The following PTPRO variants were observed in gnomAD, a reference collection of about 807,000 sequenced individuals.
The protein encoded by PTPRO is receptor-type tyrosine-protein phosphatase O.
PTPRO carries 62 observed loss-of-function variants against 145.2 expected under a neutral mutation model. The observed-to-expected ratio is 0.43, with a 90% CI of 0.35 to 0.53. PTPRO has a LOEUF of 0.53. Ranked by LOEUF, PTPRO falls within the 20% of genes least tolerant of loss-of-function variation. PTPRO has a pLI of 0.01. For synonymous variants in PTPRO, 565 were observed against 514.7 expected (o/e 1.10, Z -1.32); for missense variants, 1,345 against 1,482.7 (o/e 0.91, Z 1.53).
chr12:15,455,546 T>C (rs764862082), intron 1 of PTPRO, among the ~76,000 whole-genome samples: 51 of 152,316 alleles, frequency 3.3e-4, no homozygotes, highest in Non-Finnish European at 6.6e-4. Context: ...TTGTGGTTTT[T>C]AGTACAAGTC....
At chr12:15,581,339 T>C (rs1442103784) in intron 22 of PTPRO, among the ~76,000 whole-genome samples, 11 of 149,638 alleles carry the variant, frequency 7.4e-5, no homozygotes, top group African/African-American at 2.5e-4. Context: ...CTCGTTCTGT[T>C]GCCCAGGCTG....
At chr12:15,414,984 T>C (rs1197806493) in intron 1 of PTPRO, among the ~76,000 whole-genome samples, 2 of 152,156 alleles carry the variant, frequency 1.3e-5, no homozygotes, top group Non-Finnish European at 2.9e-5. Flanking sequence ...TATGAACCTC[T>C]TCAAGAATAA....
At chr12:15,584,802 A>G (rs1304711557) in intron 23 of PTPRO, among the ~76,000 whole-genome samples, 1 of 152,218 alleles carries the variant, frequency 6.6e-6, no homozygotes, top group Non-Finnish European at 1.5e-5. Flanking sequence ...CTTTCCAATT[A>G]TAAAAAGATA....
At chr12:15,387,517 T>C (rs1416270556) in intron 1 of PTPRO, among the ~76,000 whole-genome samples, 1 of 152,198 alleles carries the variant, frequency 6.6e-6, no homozygotes, top group Non-Finnish European at 1.5e-5. Flanking sequence ...TCCCCCTTCA[T>C]AGGTCAACCC....
intron 1 of PTPRO, among the ~76,000 whole-genome samples, chr12:15,348,091 T>C (rs760989603): frequency 6.6e-6 from 1 of 152,132 alleles, no homozygotes; most frequent in Non-Finnish European, 1.5e-5. Flanking sequence ...AAGCTGTAAA[T>C]GTGTTTTCTT....
rs1943882211 is a variant in PTPRO, at chr12:15,565,721, CG to C, written c.2747+94del. 3.1e-6 allele frequency: 3 copies of C among 982,918 alleles called. No individual in the cohort carries two copies. The South Asian group carries it at 4.1e-5, about 13-fold the overall frequency. 60.9% of individuals were successfully genotyped at this position (982,918 alleles called of 1,614,324 possible). A position where few individuals can be genotyped will look rare whatever the true frequency, so the allele number is the denominator to read the frequency against. Reference sequence around the variant, plus strand: ...ATTGCTTGTCTTCAAAGAGAAGGGACGCTTAAGAAAGAGGCAAATGCATATT... The same window carrying C: ...ATTGCTTGTCTTCAAAGAGAAGGGACCTTAAGAAAGAGGCAAATGCATATT... On this transcript the variant is annotated intron_variant, in intron 18 of 26. Transcript: ENST00000281171.
intron 2 of PTPRO, among the ~76,000 whole-genome samples, chr12:15,497,020 A>T (rs542949600): frequency 6.6e-6 from 1 of 152,230 alleles, no homozygotes; most frequent in Non-Finnish European, 1.5e-5. Flanking sequence ...AAGGAAAAAT[A>T]AATGTAAAAG....
rs530194745 is a variant in PTPRO, at chr12:15,530,849, T to C, written c.2164+4587T>C. Among the ~76,000 whole-genome samples, 19 of 151,614 alleles carry C rather than the reference T, an allele frequency of 1.3e-4. 1 individual carries two copies. The South Asian group carries it at 3.8e-3, about 30-fold the overall frequency. ...AAGCAAAAGCAAACCAAACACTAAA[T>C]TAGTAGAAGGAAAGAAATGTAAAGG... On this transcript the variant is annotated intron_variant, in intron 12 of 26. Coordinates refer to ENST00000281171, the MANE Select transcript of PTPRO (RefSeq NM_030667.3).
chr12:15,416,475 A>G (rs899931821), intron 1 of PTPRO, among the ~76,000 whole-genome samples: 4 of 151,092 alleles, frequency 2.6e-5, no homozygotes, highest in African/African-American at 9.8e-5. Context: ...GCCCACCACC[A>G]TGCCTGGCTA....
intron 1 of PTPRO, among the ~76,000 whole-genome samples, chr12:15,326,596 T>C (rs1866452631): frequency 6.6e-6 from 1 of 152,218 alleles, no homozygotes; most frequent in Non-Finnish European, 1.5e-5. Flanking sequence ...ATTTCTACTA[T>C]CTAAATATCC....
At chr12:15,340,077 C>T (rs1240975227) in intron 1 of PTPRO, among the ~76,000 whole-genome samples, 1 of 152,160 alleles carries the variant, frequency 6.6e-6, no homozygotes, top group Non-Finnish European at 1.5e-5. Context: ...CTACCATTGA[C>T]TGAGTGACTG....
At chr12:15,330,443 C>A (rs1416582844) in intron 1 of PTPRO, among the ~76,000 whole-genome samples, 2 of 152,176 alleles carry the variant, frequency 1.3e-5, no homozygotes, top group East Asian at 1.9e-4. Flanking sequence ...ATCAACTGTG[C>A]TGGATAGTCT....
At position 15,524,938 on chromosome 12, in the gene PTPRO, A is replaced by T; in HGVS notation, c.2016A>T (p.Ala672=). 1 of 1,614,108 alleles carries T rather than the reference A, an allele frequency of 6.2e-7. No individual in the cohort carries two copies. ...GAATGCTTCACTGGATGGTGGTTGC[A>T]GAAGGAAAAAAGAAAATTAAAAAGA... ...HSRMLHWMVV[A]EGKKKIKKSV... Residue 672 remains alanine (A), a synonymous_variant, in exon 11 of 27, where the codon GCA becomes GCT. Transcript: ENST00000281171.
At chr12:15,404,691 A>T (rs1035146249) in intron 1 of PTPRO, among the ~76,000 whole-genome samples, 2 of 152,220 alleles carry the variant, frequency 1.3e-5, no homozygotes, top group African/African-American at 4.8e-5. Flanking sequence ...AAACCTTACA[A>T]ATGACTCATG....
intron 12 of PTPRO, among the ~76,000 whole-genome samples, chr12:15,528,701 C>A (rs1942896106): frequency 6.6e-6 from 1 of 151,926 alleles, no homozygotes; most frequent in Non-Finnish European, 1.5e-5. Context: ...ACAGATACCA[C>A]TCAAATAAAA....
At chr12:15,517,705 C>T (rs976483622) in intron 9 of PTPRO, among the ~76,000 whole-genome samples, 2 of 152,224 alleles carry the variant, frequency 1.3e-5, no homozygotes, top group Non-Finnish European at 2.9e-5. Flanking sequence ...ACTCCAAAAT[C>T]CACTGGGACA....
intron 1 of PTPRO, among the ~76,000 whole-genome samples, chr12:15,330,430 G>A (rs1591706537): frequency 1.3e-5 from 2 of 152,112 alleles, no homozygotes; most frequent in African/African-American, 2.4e-5. Flanking sequence ...GTCTACTCTC[G>A]AGATCAACTG....
chr12:15,570,842 C>A (rs2135611765), intron 19 of PTPRO, among the ~76,000 whole-genome samples: 1 of 152,272 alleles, frequency 6.6e-6, no homozygotes, highest in South Asian at 2.1e-4. Flanking sequence ...AGATGGCATG[C>A]CCTTGGTGGC....
intron 1 of PTPRO, among the ~76,000 whole-genome samples, chr12:15,374,837 G>A (rs1211638879): frequency 6.6e-6 from 1 of 152,148 alleles, no homozygotes; most frequent in African/African-American, 2.4e-5. Context: ...CATATTGTGA[G>A]GGATTTAGAA....
Sources: gnomAD v4.1 joint callset for allele counts (sites outside exome capture counted in the v4.1 genomes callset) on GRCh38, gnomAD v4.1.1 for gene constraint, MANE v1.5 for transcripts, NCBI Gene and HGNC (gene_info 2026-07-23, HGNC 2026-07-21) for gene names.